GRIK1: variants seen among roughly 807,000 people sequenced by gnomAD.
GRIK1 encodes the protein glutamate receptor ionotropic, kainate 1.
Under a neutral mutation model 105.7 loss-of-function variants are expected in GRIK1, and 69 were observed. That is an observed-to-expected ratio of 0.65 (90% CI 0.54 to 0.80). GRIK1 has a LOEUF of 0.80. Ranked by LOEUF, GRIK1 falls within the 30% of genes least tolerant of loss-of-function variation. The pLI is 0.00. For missense variants in GRIK1, 1,109 were observed against 1,167.3 expected, an observed-to-expected ratio of 0.95 and a Z score of 0.73; for synonymous variants, 438 against 431.3, an observed-to-expected ratio of 1.02 and a Z score of -0.19.
At chr21:29,620,818 T>C (rs938443386) in intron 7 of GRIK1, among the ~76,000 whole-genome samples, 1 of 94,264 alleles carries the variant, frequency 1.1e-5, no homozygotes, top group Non-Finnish European at 1.8e-5. Context: ...TATATATATA[T>C]AGTAATAATA....
chr21:29,772,204 G>A (rs553842962), intron 1 of GRIK1, among the ~76,000 whole-genome samples: 67 of 151,984 alleles, frequency 4.4e-4, no homozygotes, highest in Non-Finnish European at 8.7e-4. Flanking sequence ...ATTGAAATAC[G>A]TCTTGGTCCA....
chr21:29,934,010 T>C (rs931367203), intron 1 of GRIK1, among the ~76,000 whole-genome samples: 1 of 152,208 alleles, frequency 6.6e-6, no homozygotes, highest in Non-Finnish European at 1.5e-5. Context: ...ATATTTCCTA[T>C]GTTATATGGA....
intron 1 of GRIK1, among the ~76,000 whole-genome samples, chr21:29,745,578 C>A (rs1387432160): frequency 1.3e-5 from 2 of 152,174 alleles, no homozygotes; most frequent in African/African-American, 4.8e-5. Context: ...AATCCAGGGC[C>A]TCTGATTCCC....
intron 1 of GRIK1, among the ~76,000 whole-genome samples, chr21:29,895,589 C>T (rs142863804): frequency 6.6e-6 from 1 of 152,308 alleles, no homozygotes; most frequent in East Asian, 1.9e-4. Context: ...ACAGTAACTC[C>T]TCCAAGAAAT....
intron 1 of GRIK1, among the ~76,000 whole-genome samples, chr21:29,740,772 A>T (rs1272113654): frequency 6.6e-6 from 1 of 152,232 alleles, no homozygotes; most frequent in East Asian, 1.9e-4. Context: ...AAGATTTGTT[A>T]CATGGGAACC....
At chr21:29,760,357 T>C (rs1250639956) in intron 1 of GRIK1, 1 of 152,262 alleles carries the variant, frequency 6.6e-6, no homozygotes, top group Non-Finnish European at 1.5e-5. Context: ...GGGGACCTCA[T>C]TGCACATCAG....
intron 1 of GRIK1, among the ~76,000 whole-genome samples, chr21:29,879,100 C>CAGG (rs1333361229): frequency 6.6e-6 from 1 of 152,082 alleles, no homozygotes; most frequent in Non-Finnish European, 1.5e-5. Context: ...CTGGTCTGAG[C>CAGG]AGGAGGGTCT....
chr21:29,809,107 T>C (rs1387369609), intron 1 of GRIK1, among the ~76,000 whole-genome samples: 1 of 152,146 alleles, frequency 6.6e-6, no homozygotes, highest in Non-Finnish European at 1.5e-5. Flanking sequence ...AGAAGCATCA[T>C]GAAAAGTGGG....
intron 7 of GRIK1, among the ~76,000 whole-genome samples, chr21:29,626,040 C>T (rs997321708): frequency 2.0e-5 from 3 of 152,092 alleles, no homozygotes; most frequent in African/African-American, 7.2e-5. Context: ...AAATAGGGCC[C>T]TAATCCAATA....
At chr21:29,696,212 G>A (rs937319980) in intron 1 of GRIK1, among the ~76,000 whole-genome samples, 1 of 152,126 alleles carries the variant, frequency 6.6e-6, no homozygotes, top group African/African-American at 2.4e-5. Flanking sequence ...GGGACATTCA[G>A]GTATAGATAA....
intron 11 of GRIK1, 22 bp downstream of exon 11, chr21:29,588,817 T>C (rs372794294): frequency 3.3e-6 from 4 of 1,230,090 alleles, no homozygotes; most frequent in Non-Finnish European, 4.8e-6. Flanking sequence ...TTTTCAGATA[T>C]GTTAGAAATA....
At chr21:29,706,257 A>C (rs1326942363) in intron 1 of GRIK1, among the ~76,000 whole-genome samples, 3 of 152,308 alleles carry the variant, frequency 2.0e-5, no homozygotes, top group African/African-American at 7.2e-5. Flanking sequence ...AAATTTAAAA[A>C]ATCCATCCTT....
intron 1 of GRIK1, among the ~76,000 whole-genome samples, chr21:29,777,809 A>G (rs1015388547): frequency 1.3e-5 from 2 of 152,126 alleles, no homozygotes; most frequent in African/African-American, 4.8e-5. Context: ...ACGAACAGAA[A>G]GAAAAAAAAG....
At chr21:29,661,045 C>G (rs1418317073) in intron 4 of GRIK1, among the ~76,000 whole-genome samples, 1 of 152,114 alleles carries the variant, frequency 6.6e-6, no homozygotes, top group Non-Finnish European at 1.5e-5. Flanking sequence ...GAGCCAGATG[C>G]CTCTTTGGCC....
intron 1 of GRIK1, among the ~76,000 whole-genome samples, chr21:29,844,610 C>G (rs1438828143): frequency 6.6e-6 from 1 of 152,256 alleles, no homozygotes; most frequent in East Asian, 1.9e-4. Flanking sequence ...ATATTAGACA[C>G]ATTATGGATT....
chr21:29,896,523 C>CA (rs1162060415), intron 1 of GRIK1, among the ~76,000 whole-genome samples: 1 of 152,112 alleles, frequency 6.6e-6, no homozygotes, highest in Non-Finnish European at 1.5e-5. Flanking sequence ...TATAGGCACT[C>CA]AAAAAATGTA....
intron 1 of GRIK1, among the ~76,000 whole-genome samples, chr21:29,823,103 G>T (rs879283631): frequency 1.3e-5 from 2 of 151,946 alleles, no homozygotes; most frequent in Admixed American, 1.3e-4. Flanking sequence ...CAGCTAATTT[G>T]CAGGTGTACT....
intron 1 of GRIK1, among the ~76,000 whole-genome samples, chr21:29,784,408 A>G (rs460369): frequency 0.13 from 20,242 of 152,170 alleles, 1,451 homozygotes; most frequent in Non-Finnish European, 0.16. Context: ...AGGTTGTGCT[A>G]ATTTTCATTT....
chr21:29,583,866 C>G (rs1465153673), intron 12 of GRIK1, among the ~76,000 whole-genome samples: 1 of 152,066 alleles, frequency 6.6e-6, no homozygotes, highest in African/African-American at 2.4e-5. Context: ...TAAAGATAGC[C>G]AGTGTGACAG....
Sources: gnomAD v4.1 joint callset for allele counts (sites outside exome capture counted in the v4.1 genomes callset) on GRCh38, gnomAD v4.1.1 for gene constraint, MANE v1.5 for transcripts, NCBI Gene and HGNC (gene_info 2026-07-23, HGNC 2026-07-21) for gene names.